TDRP: variants seen among roughly 807,000 people sequenced by gnomAD.
TDRP encodes the protein testis development related protein.
TDRP carries 12 observed loss-of-function variants against 10.5 expected under a neutral mutation model. The ratio of observed to expected loss-of-function variants is 1.15; its 90% CI spans 0.73 to 1.86. The LOEUF (loss-of-function observed/expected upper bound fraction) is 1.86, where lower values mean the gene tolerates loss of function less well. TDRP is among the 40% of genes most tolerant of loss of function. TDRP has a pLI of 0.00. For missense variants in TDRP, 353 were observed against 229.2 expected (o/e 1.54, Z -3.49); for synonymous variants, 139 against 95.4 (o/e 1.46, Z -2.67).
Position 530,158 on chromosome 8 carries a change from A to T in TDRP, c.108+14492T>A, listed in dbSNP as rs1033101932. On this transcript the variant is annotated intron_variant, in intron 1 of 2. Coordinates refer to ENST00000324079, the MANE Select transcript of TDRP (RefSeq NM_001384899.1). ...TTTAATCCCTCTAGTTAATTTTTCA[A>T]TTCAGTTATTTCTCAGATGCAGAAT... 3.2e-4 allele frequency among the ~76,000 whole-genome samples: 49 copies of T among 151,916 alleles called. 1 individual carries two copies. Among genetic ancestry groups the T allele is most frequent in the Non-Finnish European group, 6.8e-4 (46 of 67,936 alleles).
intron 1 of TDRP, among the ~76,000 whole-genome samples, chr8:539,146 GT>G (rs2116877083): frequency 6.6e-6 from 1 of 152,288 alleles, no homozygotes; most frequent in Admixed American, 6.5e-5. Context: ...GAATGTTTGT[GT>G]CCCCAGAACT....
chr8:530,476 C>A (rs1351027755), intron 1 of TDRP, among the ~76,000 whole-genome samples: 1 of 152,226 alleles, frequency 6.6e-6, no homozygotes, highest in East Asian at 1.9e-4. Context: ...CTCTCCCAGT[C>A]TTTATGGACT....
intron 1 of TDRP, among the ~76,000 whole-genome samples, chr8:520,818 C>G (rs574699251): frequency 1.1e-4 from 17 of 152,126 alleles, no homozygotes; most frequent in Non-Finnish European, 2.4e-4. Context: ...CATAGGAGTT[C>G]TTTAAATATT....
chr8:493,277 C>T (rs1184475243), intron 2 of TDRP, among the ~76,000 whole-genome samples: 1 of 152,236 alleles, frequency 6.6e-6, no homozygotes, highest in East Asian at 1.9e-4. Context: ...AACTACTCTT[C>T]ACCCTGACTG....
rs532331785 is a variant in TDRP at position 503,937 on chromosome 8, C to A, written c.109-9340G>T. Among the ~76,000 whole-genome samples, 3 of 143,808 alleles carry A rather than the reference C, an allele frequency of 2.1e-5. No homozygotes were observed. In the South Asian group the frequency reaches 6.7e-4, roughly 32 times the overall value. The allele number at this position is 143,808 out of a possible 152,430, so 94.3% of individuals were successfully genotyped here. A position where few individuals can be genotyped will look rare whatever the true frequency, so the allele number is the denominator to read the frequency against. ...CACGCACCAACATGGAATCCAGAGC[C>A]ACACAATGGAACCAATGCCCACCTC... On this transcript the variant is annotated intron_variant, in intron 1 of 2. Transcript: ENST00000324079.
chr8:493,410 T>C (rs959656353), intron 2 of TDRP, among the ~76,000 whole-genome samples: 11 of 152,232 alleles, frequency 7.2e-5, no homozygotes, highest in African/African-American at 2.7e-4. Flanking sequence ...CCTCTACAGA[T>C]GAAGGATGAA....
chr8:492,547 TC>T lies in TDRP; in HGVS notation c.409del (p.Glu137ArgfsTer31), dbSNP rs1460223590. The T allele has an allele frequency of 3.5e-5, 57 of 1,612,132 alleles. No homozygotes were observed. The highest frequency in any genetic ancestry group is 4.8e-5 in the Non-Finnish European group (57 of 1,178,992). On this transcript the variant is annotated frameshift_variant, in exon 3 of 3. Coordinates refer to ENST00000324079, the MANE Select transcript of TDRP (RefSeq NM_001384899.1). LOFTEE classifies it low-confidence loss of function (END_TRUNC). ...CTTGGTCGAGCCCTTGGCGTCATCC[TC>T]CCAGCCTGACCAGGATGGGTGGCCA... ...VGGHPSWSGW[E>X]DDAKGSTKYT...
At chr8:544,857 G>T, upstream of TDRP, 1 of 861,816 alleles carries the variant, frequency 1.2e-6, no homozygotes, top group African/African-American at 1.8e-5. Context: ...TGCGGGACGC[G>T]GGCCCAGTGG....
chr8:510,843 TAC>T (rs1374988144), intron 1 of TDRP, among the ~76,000 whole-genome samples: 2 of 152,192 alleles, frequency 1.3e-5, no homozygotes, highest in Non-Finnish European at 2.9e-5. Context: ...ACAGTACAGA[TAC>T]ATTCTTATTT....
intron 1 of TDRP, among the ~76,000 whole-genome samples, chr8:500,265 T>A (rs1801250218): frequency 1.3e-5 from 2 of 152,194 alleles, no homozygotes; most frequent in Admixed American, 1.3e-4. Flanking sequence ...AAAATTAATA[T>A]CCATAATTTA....
At chr8:526,467 T>G (rs1802037873) in intron 1 of TDRP, among the ~76,000 whole-genome samples, 1 of 152,178 alleles carries the variant, frequency 6.6e-6, no homozygotes, top group Non-Finnish European at 1.5e-5. Flanking sequence ...TCAATCGAAA[T>G]TATCATATGG....
At chr8:492,772 G>C (rs777199147) in intron 2 of TDRP, 28 bp from the exon 3 acceptor site, 24 of 1,530,096 alleles carry the variant, frequency 1.6e-5, no homozygotes, top group East Asian at 2.3e-5. Flanking sequence ...GTTAGGTGTT[G>C]GTGACCCAGG....
At chr8:511,008 G>A (rs1584864199) in intron 1 of TDRP, among the ~76,000 whole-genome samples, 1 of 152,118 alleles carries the variant, frequency 6.6e-6, no homozygotes, top group African/African-American at 2.4e-5. Flanking sequence ...CAGATGGTAA[G>A]ATAATAAATG....
intron 1 of TDRP, among the ~76,000 whole-genome samples, chr8:520,786 A>C (rs1251357501): frequency 1.3e-5 from 2 of 152,058 alleles, no homozygotes; most frequent in Non-Finnish European, 2.9e-5. Flanking sequence ...TTTTTTAATC[A>C]GGTTTTTTGT....
chr8:522,275 T>A (rs546612127), intron 1 of TDRP, among the ~76,000 whole-genome samples: 2 of 152,186 alleles, frequency 1.3e-5, no homozygotes, highest in Non-Finnish European at 2.9e-5. Flanking sequence ...ACTGGCCCCT[T>A]TGTCATTATG....
In TDRP at chr8:540,075, C is replaced by T. The variant is rs1297868425; in HGVS notation, c.108+4575G>A. Among the ~76,000 whole-genome samples, 3 of 152,360 alleles carry T rather than the reference C, an allele frequency of 2.0e-5. No individual in the cohort carries two copies. The East Asian group carries it at 5.8e-4, about 29-fold the overall frequency. Reference sequence around the variant, plus strand: ...TAGAGGCAACTGATGAACTCTTCTACACTGTCCATGTCAGACCCATCTAAA... The same window carrying T: ...TAGAGGCAACTGATGAACTCTTCTATACTGTCCATGTCAGACCCATCTAAA... On this transcript the variant is annotated intron_variant, in intron 1 of 2. Coordinates refer to ENST00000324079, the MANE Select transcript of TDRP (RefSeq NM_001384899.1).
rs916416376 is a variant in TDRP, at chr8:544,763, G to A, written c.-6C>T. On this transcript the variant is annotated 5_prime_UTR_variant, in exon 1 of 3. Coordinates refer to ENST00000324079, the MANE Select transcript of TDRP (RefSeq NM_001384899.1). ...CCCCGGCCCAGCTTCCACATGGTCA[G>A]GCGGGCTCCGGCGTCCCTCCGTCCG... The A allele has an allele frequency of 2.2e-5, 27 of 1,233,308 alleles. No individual in the cohort carries two copies. Among genetic ancestry groups the A allele is most frequent in the Non-Finnish European group, 2.6e-5 (26 of 986,610 alleles). The allele number at this position is 1,233,308 out of a possible 1,614,324, so 76.4% of individuals were successfully genotyped here. A position where few individuals can be genotyped will look rare whatever the true frequency, so the allele number is the denominator to read the frequency against.
intron 1 of TDRP, among the ~76,000 whole-genome samples, chr8:513,069 C>G (rs554858826): frequency 6.6e-6 from 1 of 150,440 alleles, no homozygotes; most frequent in South Asian, 2.1e-4. Flanking sequence ...CTAAATCCTA[C>G]CAACTATTTA....
At chr8:511,276 AAAGG>A (rs1385867563) in intron 1 of TDRP, among the ~76,000 whole-genome samples, 6 of 152,190 alleles carry the variant, frequency 3.9e-5, no homozygotes, top group African/African-American at 1.2e-4. Flanking sequence ...ACTGAAAGTG[AAAGG>A]AAGGAAACAG....
Sources: allele counts gnomAD v4.1 joint callset (sites outside exome capture counted in the v4.1 genomes callset), GRCh38; gene constraint gnomAD v4.1.1; transcripts MANE v1.5; gene names NCBI Gene and HGNC (gene_info 2026-07-23, HGNC 2026-07-21).